Variants in IGDCC4 observed in about 807,000 individuals in gnomAD.
IGDCC4 encodes immunoglobulin superfamily DCC subclass member 4.
In IGDCC4, 72 loss-of-function variants were observed where a neutral mutation model predicts 116.6. That is an observed-to-expected ratio of 0.62 (90% CI 0.51 to 0.75). The LOEUF (loss-of-function observed/expected upper bound fraction) is 0.75. Among genes scored for constraint, IGDCC4 ranks in the 30% least tolerant of loss-of-function variants. The pLI, the probability that IGDCC4 is intolerant of heterozygous loss-of-function variation, is 0.00. For missense variants in IGDCC4, 1,501 were observed against 1,662.4 expected, an observed-to-expected ratio of 0.90 and a Z score of 1.69; for synonymous variants, 709 against 719.9, an observed-to-expected ratio of 0.98 and a Z score of 0.24.
At chr15:65,416,136 C>CTTTTTTTTTTTTT (rs60072640) in intron 1 of IGDCC4, among the ~76,000 whole-genome samples, 2 of 77,608 alleles carry the variant, frequency 2.6e-5, no homozygotes, top group East Asian at 4.3e-4. Flanking sequence ...AATGTTTTGA[C>CTTTTTTTTTTTTT]TTTTTTTTTT....
chr15:65,396,671 C>A (rs1319257890), intron 6 of IGDCC4, among the ~76,000 whole-genome samples, 163 bp downstream of exon 6: 1 of 152,156 alleles, frequency 6.6e-6, no homozygotes, highest in East Asian at 1.9e-4. Context: ...GTTACCAAGT[C>A]CCCATCCCTC....
intron 1 of IGDCC4, 79 bp downstream of exon 1, chr15:65,422,707 GCCAGCCC>G: frequency 9.0e-7 from 1 of 1,109,580 alleles, no homozygotes; most frequent in African/African-American, 1.7e-5. Flanking sequence ...TCCGGCTTGA[GCCAGCCC>G]CGCAGCCCGA....
chr15:65,392,620 C>T (rs959263073), intron 10 of IGDCC4, among the ~76,000 whole-genome samples: 3 of 152,106 alleles, frequency 2.0e-5, no homozygotes, highest in Admixed American at 6.5e-5. Flanking sequence ...CAGGGGTGTC[C>T]GCTGGGCATT....
At chr15:65,403,146 C>T (rs1043562041) in intron 3 of IGDCC4, among the ~76,000 whole-genome samples, 1 of 152,226 alleles carries the variant, frequency 6.6e-6, no homozygotes, top group African/African-American at 2.4e-5. Context: ...AGGCTGGAAA[C>T]AACCCAAGTG....
At position 65,381,787 on chromosome 15, in the gene IGDCC4, C is replaced by T. The variant is rs1338630544; in HGVS notation, c.*2222G>A. 1 of 152,542 alleles carries T rather than the reference C, an allele frequency of 6.6e-6. No individual in the cohort carries two copies. The allele number at this position is 152,542 out of a possible 1,614,324, so 9.4% of individuals were successfully genotyped here. A position where few individuals can be genotyped will look rare whatever the true frequency, so the allele number is the denominator to read the frequency against. On this transcript the variant is annotated 3_prime_UTR_variant, in exon 20 of 20. Coordinates refer to ENST00000352385, the MANE Select transcript of IGDCC4 (RefSeq NM_020962.3). ...TTCTTTTCTAATAAAAATACTGCTACAAAGACACAAACCTAACACTTCCAA... is the reference window on the plus strand; with the variant it reads ...TTCTTTTCTAATAAAAATACTGCTATAAAGACACAAACCTAACACTTCCAA...
chr15:65,392,312 T>A lies in IGDCC4; in HGVS notation c.1944A>T (p.Ser648=). ...GGGTGGGGTGAGGGGGTGGCTGCCA[T>A]GACACGACCAGGGACTCCATCTTTG... The part of the protein sequence containing the change: ...VQAKMESLVV[S]WQPPPHPTQI... Residue 648 remains serine, a synonymous_variant, in exon 11 of 20, where the codon TCA becomes TCT. Coordinates refer to ENST00000352385, the MANE Select transcript of IGDCC4 (RefSeq NM_020962.3). The A allele has an allele frequency of 6.3e-7, 1 of 1,591,936 alleles. No homozygotes were observed. Among genetic ancestry groups the A allele is most frequent in the Non-Finnish European group, 8.6e-7 (1 of 1,166,088 alleles).
chr15:65,412,599 A>C (rs567037188), intron 1 of IGDCC4, among the ~76,000 whole-genome samples: 1 of 150,696 alleles, frequency 6.6e-6, no homozygotes, highest in East Asian at 2.0e-4. Context: ...GGAACCTAAC[A>C]GATCATATTG....
chr15:65,422,517 C>A, intron 1 of IGDCC4, among the ~76,000 whole-genome samples: 1 of 124,464 alleles, frequency 8.0e-6, no homozygotes, highest in East Asian at 2.5e-4. Flanking sequence ...AGGAGCACTC[C>A]CAACACACAC....
chr15:65,410,324 G>A lies in IGDCC4; in HGVS notation c.422-5C>T. The A allele has an allele frequency of 6.2e-7, 1 of 1,613,870 alleles. No homozygotes were observed. Among genetic ancestry groups the A allele is most frequent in the Admixed American group, 1.7e-5 (1 of 60,026 alleles). On this transcript the variant is annotated splice_region_variant and splice_polypyrimidine_tract_variant and intron_variant, in intron 2 of 19. Coordinates refer to ENST00000352385, the MANE Select transcript of IGDCC4 (RefSeq NM_020962.3). ...GCAGAGAGAAGTCTGCGAGTGCTGG[G>A]GACAGTGAGACACAGGCAGGGACGG...
At chr15:65,410,144 C>T (rs2140231281) in intron 3 of IGDCC4, 34 bp downstream of exon 3, 2 of 1,609,796 alleles carry the variant, frequency 1.2e-6, no homozygotes, top group Non-Finnish European at 1.7e-6. Context: ...CTCTGCCCTG[C>T]CTACCAGGAC....
chr15:65,398,829 G>T (rs559587745), intron 5 of IGDCC4, among the ~76,000 whole-genome samples: 27 of 152,280 alleles, frequency 1.8e-4, no homozygotes, highest in South Asian at 1.5e-3. Context: ...GGCGGAAGTT[G>T]CAGTGAGCAG....
Position 65,389,468 on chromosome 15 carries a change from A to G in IGDCC4, c.2409-57T>C. 5 of 1,611,804 alleles carry G rather than the reference A, an allele frequency of 3.1e-6. No homozygotes were observed. The South Asian group carries it at 3.3e-5, about 11-fold the overall frequency. ...CAGGCACACTCTCCCAGCAGGGCAGACTCCTCCAAATCTACTCCCCTGCAG... is the reference window on the plus strand; with the variant it reads ...CAGGCACACTCTCCCAGCAGGGCAGGCTCCTCCAAATCTACTCCCCTGCAG... On this transcript the variant is annotated intron_variant, in intron 13 of 19. Transcript: ENST00000352385.
intron 8 of IGDCC4, among the ~76,000 whole-genome samples, 191 bp downstream of exon 8, chr15:65,394,903 A>G (rs1224372243): frequency 6.6e-6 from 1 of 152,126 alleles, no homozygotes; most frequent in Non-Finnish European, 1.5e-5. Context: ...TGGGCAAATC[A>G]TTCTCATTTT....
chr15:65,414,253 C>A (rs1172368771), intron 1 of IGDCC4, among the ~76,000 whole-genome samples: 1 of 152,194 alleles, frequency 6.6e-6, no homozygotes, highest in East Asian at 1.9e-4. Context: ...CAGGACCTGA[C>A]CTGGGCTGCT....
At chr15:65,405,252 G>C (rs2063030456) in intron 3 of IGDCC4, among the ~76,000 whole-genome samples, 1 of 150,918 alleles carries the variant, frequency 6.6e-6, no homozygotes, top group African/African-American at 2.4e-5. Flanking sequence ...GGTTTATGGG[G>C]GTTTTCTGTA....
intron 1 of IGDCC4, among the ~76,000 whole-genome samples, chr15:65,414,402 G>C (rs1196053907): frequency 6.6e-6 from 1 of 152,210 alleles, no homozygotes; most frequent in Non-Finnish European, 1.5e-5. Flanking sequence ...AACCAATCTG[G>C]CATTCACACT....
chr15:65,401,319 G>A (rs572950197), intron 4 of IGDCC4, among the ~76,000 whole-genome samples: 72 of 152,326 alleles, frequency 4.7e-4, no homozygotes, highest in African/African-American at 1.2e-3. Flanking sequence ...TGCCATTAAC[G>A]CACTGGGTGA....
rs780343587 is a variant in IGDCC4, at chr15:65,386,653, G to A, written c.2849C>T (p.Ser950Leu). The A allele has an allele frequency of 6.2e-6, 10 of 1,609,536 alleles. No homozygotes were observed. The highest frequency in any genetic ancestry group is 2.7e-5 in the African/African-American group (2 of 74,914). Residue 950 changes from serine to leucine, a missense_variant, in exon 17 of 20, where the codon TCG becomes TTG. Physicochemically the swap from Ser to Leu is moderately radical, Grantham distance 145. This residue lies in a region of IGDCC4 where 235 missense variants were observed against 328.0 expected (regional missense o/e 0.72). Transcript: ENST00000352385. ...VITLQEKLSDSLDMHSVTGII... is the reference protein window; with the variant it reads ...VITLQEKLSDLLDMHSVTGII... ...GCCCGTGACTGAGTGCATGTCCAGC[G>A]AGTCTGGTGGGGGAGAGAGAGGCAC...
Position 65,411,224 on chromosome 15 carries a change from T to C in IGDCC4, c.217A>G (p.Ser73Gly). 6.2e-7 allele frequency: 1 copy of C among 1,614,158 alleles called. No individual in the cohort carries two copies. The highest frequency in any genetic ancestry group is 8.5e-7 in the Non-Finnish European group (1 of 1,180,026). ...TCCAGCAGGGTGTCCCCATCCTTGC[T>C]CCAGGTCACCCTGGTGGGGGGTCCA... The part of the protein sequence containing the change: ...AAGPPTRVTW[S>G]KDGDTLLEHD... Residue 73 changes from serine (S) to glycine (G), a missense_variant, in exon 2 of 20, where the codon AGC (serine) becomes GGC (glycine). By Grantham distance (56) the Ser-to-Gly change is moderately conservative. Around this residue, in one of 3 missense-constraint regions of IGDCC4, gnomAD observed 898 missense variants for 978.9 expected, o/e 0.92. Transcript: ENST00000352385.
Sources: allele counts gnomAD v4.1 joint callset (sites outside exome capture counted in the v4.1 genomes callset), GRCh38; gene constraint gnomAD v4.1.1; regional missense constraint gnomAD v4.1.1; transcripts MANE v1.5; gene names NCBI Gene and HGNC (gene_info 2026-07-23, HGNC 2026-07-21).